The following RXFP4 variants were observed in gnomAD, a reference collection of about 807,000 sequenced individuals.
The protein encoded by RXFP4 is relaxin-3 receptor 2.
For missense variants in RXFP4, 425 were observed against 491.3 expected, an observed-to-expected ratio of 0.87 and a Z score of 1.28; for synonymous variants, 182 against 218.0, an observed-to-expected ratio of 0.83 and a Z score of 1.45.
Position 155,942,009 on chromosome 1 carries a change from G to C in RXFP4, c.300G>C (p.Glu100Asp), listed in dbSNP as rs767845245. The C allele has an allele frequency of 6.2e-7, 1 of 1,612,984 alleles. No individual in the cohort carries two copies. Among genetic ancestry groups the C allele is most frequent in the African/African-American group, 1.3e-5 (1 of 74,936 alleles). The change falls in exon 1 of 1, where the codon GAG becomes GAC. Residue 100 changes from glutamate to aspartate, a missense_variant. Physicochemically the swap from Glu to Asp is conservative, Grantham distance 45. Transcript: ENST00000368318. The surrounding 1 kb of genome is among the most constrained non-coding windows in gnomAD (Gnocchi z 5.2). The stretch of plus-strand genomic sequence containing the variant: ...TCACTCTCCCCTTTTGGGCAGCCGA[G>C]TCGGCACTGGACTTTCACTGGCCCT... ...LALTLPFWAA[E>D]SALDFHWPFG...
chr1:155,942,289 C>T lies in RXFP4; in HGVS notation c.580C>T (p.Arg194Cys), dbSNP rs146694614. ...GTGTGGTGTGCGCCTTTGCCTGCTG[C>T]GTTTCCCCAGCAGGTACTGGCTGGG... ...EVCGVRLCLL[R>C]FPSRYWLGAY... The change falls in exon 1 of 1, where the codon CGT becomes TGT. Residue 194 changes from arginine (R) to cysteine (C), a missense_variant. Transcript: ENST00000368318. This position sits in a 1 kb window ranked among gnomAD's most constrained non-coding sequence, Gnocchi z 5.2. The T allele has an allele frequency of 2.6e-5, 42 of 1,600,532 alleles. No homozygotes were observed. The African/African-American group carries it at 2.8e-4, about 11-fold the overall frequency.
Position 155,942,114 on chromosome 1 carries a change from G to C in RXFP4, c.405G>C (p.Leu135=). The change falls in exon 1 of 1, where the codon CTG becomes CTC. Residue 135 remains leucine (L), a synonymous_variant. Coordinates refer to ENST00000368318, the MANE Select transcript of RXFP4 (RefSeq NM_181885.3). The surrounding 1 kb of genome is among the most constrained non-coding windows in gnomAD (Gnocchi z 5.2). ...CCAGCATCTTCCTCATCACAGCGCT[G>C]AGCGTTGCTCGCTACTGGGTGGTGG... ...VYASIFLITA[L]SVARYWVVAM... The C allele has an allele frequency of 6.2e-7, 1 of 1,613,088 alleles. No homozygotes were observed. Among genetic ancestry groups the C allele is most frequent in the Non-Finnish European group, 8.5e-7 (1 of 1,179,926 alleles).
At position 155,941,981 on chromosome 1, in the gene RXFP4, C is replaced by G. The variant is rs1383737299; in HGVS notation, c.272C>G (p.Ala91Gly). 1.9e-6 allele frequency: 3 copies of G among 1,613,902 alleles called. No homozygotes were observed. In the African/African-American group the frequency reaches 4.0e-5, roughly 22 times the overall value. The change falls in exon 1 of 1, where the codon GCA (alanine) becomes GGA (glycine). Residue 91 changes from alanine (A) to glycine (G), a missense_variant. Transcript: ENST00000368318. ...FNLALADLGL[A>G]LTLPFWAAES... ...CTGGCTCTGGCGGACCTGGGACTGG[C>G]ACTCACTCTCCCCTTTTGGGCAGCC...
chr1:155,941,748 CTTCT>C lies in RXFP4; in HGVS notation c.40_43del (p.Phe14GlyfsTer10). 6.2e-7 allele frequency: 1 copy of C among 1,614,252 alleles called. No individual in the cohort carries two copies. The highest frequency in any genetic ancestry group is 8.5e-7 in the Non-Finnish European group (1 of 1,180,036). Reference sequence around the variant, plus strand: ...ATACTTCTGCCTCTCCACCCACATTCTTCTGGGCCAATGCCTCCGGAGGCAGTGT... The same window carrying C: ...ATACTTCTGCCTCTCCACCCACATTCGGGCCAATGCCTCCGGAGGCAGTGT... On this transcript the variant is annotated frameshift_variant, in exon 1 of 1. Transcript: ENST00000368318. LOFTEE classifies it low-confidence loss of function (END_TRUNC).
rs772761389 is a variant in RXFP4 at position 155,942,502 on chromosome 1, G to T, written c.793G>T (p.Val265Phe). ...FFLCWFPNHV[V>F]TLWGVLVKFD... The stretch of plus-strand genomic sequence containing the variant: ...CCTCTGCTGGTTTCCCAACCATGTG[G>T]TCACTCTCTGGGGTGTCCTGGTGAA... The change falls in exon 1 of 1, where the codon GTC (valine) becomes TTC (phenylalanine). Residue 265 changes from valine (V) to phenylalanine (F), a missense_variant. By Grantham distance (50) the Val-to-Phe change is conservative. Coordinates refer to ENST00000368318, the MANE Select transcript of RXFP4 (RefSeq NM_181885.3). This position sits in a 1 kb window ranked among gnomAD's most constrained non-coding sequence, Gnocchi z 5.2. The T allele has an allele frequency of 1.2e-6, 2 of 1,612,610 alleles. No individual in the cohort carries two copies. The highest frequency in any genetic ancestry group is 3.3e-5 in the Admixed American group (2 of 59,914).
In RXFP4 at chr1:155,941,673, CTCTCT is replaced by C. The variant is rs1326894948; in HGVS notation, c.-32_-28del. On this transcript the variant is annotated 5_prime_UTR_variant, in exon 1 of 1. Coordinates refer to ENST00000368318, the MANE Select transcript of RXFP4 (RefSeq NM_181885.3). ...GCCAGTCTGGCAGACACTTGCAGAC[CTCTCT>C]TCTCAGCACCACCAATCTCTGATGC... The C allele has an allele frequency of 6.3e-7, 1 of 1,597,372 alleles. No homozygotes were observed. The highest frequency in any genetic ancestry group is 8.6e-7 in the Non-Finnish European group (1 of 1,169,414).
rs763497798 is a variant in RXFP4 at position 155,941,652 on chromosome 1, G to A, written c.-58G>A. 12 of 1,561,782 alleles carry A rather than the reference G, an allele frequency of 7.7e-6. No homozygotes were observed. The highest frequency in any genetic ancestry group is 1.2e-5 in the South Asian group (1 of 84,642). ...CTAGAGCCTTCAGTGGCCTCTGCCA[G>A]TCTGGCAGACACTTGCAGACCTCTC... On this transcript the variant is annotated 5_prime_UTR_variant, in exon 1 of 1. Transcript: ENST00000368318.
Position 155,942,203 on chromosome 1 carries a change from T to G in RXFP4, c.494T>G (p.Val165Gly). 1 of 1,613,978 alleles carries G rather than the reference T, an allele frequency of 6.2e-7. No homozygotes were observed. Among genetic ancestry groups the G allele is most frequent in the Non-Finnish European group, 8.5e-7 (1 of 1,180,030 alleles). ...TGGGCCCGAATAGCCACCCTGGCAG[T>G]GTGGGCGGCGGCTGCCCTGGTGACG... ...LFWARIATLAVWAAAALVTVP... is the reference protein window; with the variant it reads ...LFWARIATLAGWAAAALVTVP... The change falls in exon 1 of 1, where the codon GTG becomes GGG. Residue 165 changes from valine (V) to glycine (G), a missense_variant. By Grantham distance (109) the Val-to-Gly change is moderately radical. Transcript: ENST00000368318. This position sits in a 1 kb window ranked among gnomAD's most constrained non-coding sequence, Gnocchi z 5.2.
Position 155,942,222 on chromosome 1 carries a change from GGTGACGGTGCCCACAGCT to G in RXFP4, c.516_533del (p.Thr173_Val178del). On this transcript the variant is annotated inframe_deletion, in exon 1 of 1. Coordinates refer to ENST00000368318, the MANE Select transcript of RXFP4 (RefSeq NM_181885.3). This position sits in a 1 kb window ranked among gnomAD's most constrained non-coding sequence, Gnocchi z 5.2. ...TGGCAGTGTGGGCGGCGGCTGCCCTGGTGACGGTGCCCACAGCTGTCTTCGGGGTGGAGGGTGAGGTGT... is the reference window on the plus strand; with the variant it reads ...TGGCAGTGTGGGCGGCGGCTGCCCTGGTCTTCGGGGTGGAGGGTGAGGTGT... The G allele has an allele frequency of 6.2e-7, 1 of 1,613,932 alleles. No homozygotes were observed. Among genetic ancestry groups the G allele is most frequent in the Non-Finnish European group, 8.5e-7 (1 of 1,180,014 alleles).
Position 155,942,951 on chromosome 1 carries a change from C to A in RXFP4, c.*117C>A. ...CAGTGCCCTCAGGGAAAAGTCTGAT[C>A]TTTGATCCCCAACTCTGGGTGTGGT... is the stretch of plus-strand genomic sequence containing the variant. On this transcript the variant is annotated 3_prime_UTR_variant, in exon 1 of 1. Coordinates refer to ENST00000368318, the MANE Select transcript of RXFP4 (RefSeq NM_181885.3). The surrounding 1 kb of genome is among the most constrained non-coding windows in gnomAD (Gnocchi z 5.2). 8 of 1,008,316 alleles carry A rather than the reference C, an allele frequency of 7.9e-6. No homozygotes were observed. The highest frequency in any genetic ancestry group is 3.2e-5 in the Admixed American group (1 of 31,268). The allele number at this position is 1,008,316 out of a possible 1,614,324, so 62.5% of individuals were successfully genotyped here.
Position 155,941,699 on chromosome 1 carries a change from G to A in RXFP4, c.-11G>A, listed in dbSNP as rs1358262386. The A allele has an allele frequency of 6.2e-7, 1 of 1,611,948 alleles. No individual in the cohort carries two copies. The highest frequency in any genetic ancestry group is 8.5e-7 in the Non-Finnish European group (1 of 1,178,488). On this transcript the variant is annotated 5_prime_UTR_variant, in exon 1 of 1. Transcript: ENST00000368318. ...TCTCTTCTCAGCACCACCAATCTCTGATGCCCTGCGATGCCCACACTCAAT... is the reference window on the plus strand; with the variant it reads ...TCTCTTCTCAGCACCACCAATCTCTAATGCCCTGCGATGCCCACACTCAAT...
rs1187026185 is a variant in RXFP4 at position 155,941,782 on chromosome 1, A to C, written c.73A>C (p.Ser25Arg). 6.2e-7 allele frequency: 1 copy of C among 1,614,006 alleles called. No individual in the cohort carries two copies. Among genetic ancestry groups the C allele is most frequent in the African/African-American group, 1.3e-5 (1 of 74,908 alleles). ...WANASGGSVLSADDAPMPVKF... is the reference protein window; with the variant it reads ...WANASGGSVLRADDAPMPVKF... ...CAATGCCTCCGGAGGCAGTGTGCTG[A>C]GTGCTGATGATGCTCCGATGCCTGT... The change falls in exon 1 of 1, where the codon AGT becomes CGT. Residue 25 changes from serine to arginine, a missense_variant. Transcript: ENST00000368318.
chr1:155,942,627 T>C lies in RXFP4; in HGVS notation c.918T>C (p.Pro306=). Reference sequence around the variant, plus strand: ...CACACAGCAATAGCTGCCTCAACCCTGTGCTGTACTGTCTCCTGAGGCGGG... The same window carrying C: ...CACACAGCAATAGCTGCCTCAACCCCGTGCTGTACTGTCTCCTGAGGCGGG... ...CLAHSNSCLN[P]VLYCLLRREP... The change falls in exon 1 of 1, where the codon CCT becomes CCC. Residue 306 remains proline (P), a synonymous_variant. Transcript: ENST00000368318. The surrounding 1 kb of genome is among the most constrained non-coding windows in gnomAD (Gnocchi z 5.2). The C allele has an allele frequency of 6.2e-7, 1 of 1,614,144 alleles. No individual in the cohort carries two copies. The highest frequency in any genetic ancestry group is 8.5e-7 in the Non-Finnish European group (1 of 1,180,004).
chr1:155,942,499 G>A lies in RXFP4; in HGVS notation c.790G>A (p.Val264Met). 1 of 1,612,536 alleles carries A rather than the reference G, an allele frequency of 6.2e-7. No individual in the cohort carries two copies. Among genetic ancestry groups the A allele is most frequent in the Non-Finnish European group, 8.5e-7 (1 of 1,178,934 alleles). ...CTTCCTCTGCTGGTTTCCCAACCAT[G>A]TGGTCACTCTCTGGGGTGTCCTGGT... ...SFFLCWFPNH[V>M]VTLWGVLVKF... The change falls in exon 1 of 1, where the codon GTG becomes ATG. Residue 264 changes from valine to methionine, a missense_variant. Transcript: ENST00000368318. The surrounding 1 kb of genome is among the most constrained non-coding windows in gnomAD (Gnocchi z 5.2).
chr1:155,942,078 C>T lies in RXFP4; in HGVS notation c.369C>T (p.Leu123=). The T allele has an allele frequency of 6.2e-7, 1 of 1,611,552 alleles. No individual in the cohort carries two copies. Among genetic ancestry groups the T allele is most frequent in the South Asian group, 1.1e-5 (1 of 91,082 alleles). Reference sequence around the variant, plus strand: ...AGATGGTTCTGACGGCCACTGTCCTCAACGTCTATGCCAGCATCTTCCTCA... The same window carrying T: ...AGATGGTTCTGACGGCCACTGTCCTTAACGTCTATGCCAGCATCTTCCTCA... ...LCKMVLTATV[L]NVYASIFLIT... The change falls in exon 1 of 1, where the codon CTC becomes CTT. Residue 123 remains leucine, a synonymous_variant. Coordinates refer to ENST00000368318, the MANE Select transcript of RXFP4 (RefSeq NM_181885.3). The surrounding 1 kb of genome is among the most constrained non-coding windows in gnomAD (Gnocchi z 5.2).
Position 155,942,363 on chromosome 1 carries a change from C to A in RXFP4, c.654C>A (p.Gly218=). ...TGCTGGCTTTCATGGTGCCCTTGGG[C>A]GTCATCACCACCAGCTACCTGCTGC... The part of the protein sequence containing the change: ...RVVLAFMVPL[G]VITTSYLLLL... Residue 218 remains glycine, a synonymous_variant, in exon 1 of 1, where the codon GGC becomes GGA. Transcript: ENST00000368318. The surrounding 1 kb of genome is among the most constrained non-coding windows in gnomAD (Gnocchi z 5.2). 6.4e-7 allele frequency: 1 copy of A among 1,554,598 alleles called. No individual in the cohort carries two copies. Among genetic ancestry groups the A allele is most frequent in the Non-Finnish European group, 8.7e-7 (1 of 1,147,898 alleles).
In RXFP4 at chr1:155,942,496, C is replaced by G. The variant is rs200889754; in HGVS notation, c.787C>G (p.His263Asp). ...ASFFLCWFPN[H>D]VVTLWGVLVK... The stretch of plus-strand genomic sequence containing the variant: ...CTTCTTCCTCTGCTGGTTTCCCAAC[C>G]ATGTGGTCACTCTCTGGGGTGTCCT... The change falls in exon 1 of 1, where the codon CAT becomes GAT. Residue 263 changes from histidine (H) to aspartate (D), a missense_variant. Transcript: ENST00000368318. The surrounding 1 kb of genome is among the most constrained non-coding windows in gnomAD (Gnocchi z 5.2). 1.1e-5 allele frequency: 18 copies of G among 1,611,930 alleles called. No individual in the cohort carries two copies. In the African/African-American group the frequency reaches 2.3e-4, roughly 20 times the overall value.
In RXFP4 at chr1:155,941,938, G is replaced by C. The variant is rs755427096; in HGVS notation, c.229G>C (p.Asp77His). Residue 77 changes from aspartate (D) to histidine (H), a missense_variant, in exon 1 of 1, where the codon GAC becomes CAC. Transcript: ENST00000368318. ...CARRAPGPPS[D>H]TFVFNLALAD... is the part of the protein sequence containing the mutation. ...CCGGAGAGCCCCTGGCCCACCTTCAGACACCTTCGTCTTCAACCTGGCTCT... is the reference window on the plus strand; with the variant it reads ...CCGGAGAGCCCCTGGCCCACCTTCACACACCTTCGTCTTCAACCTGGCTCT... 6.2e-7 allele frequency: 1 copy of C among 1,614,208 alleles called. No homozygotes were observed. The highest frequency in any genetic ancestry group is 1.1e-5 in the South Asian group (1 of 91,086).
Position 155,942,024 on chromosome 1 carries a change from T to C in RXFP4, c.315T>C (p.Phe105=). ...PFWAAESALD[F]HWPFGGALCK... is the part of the protein sequence containing the mutation. ...GGGCAGCCGAGTCGGCACTGGACTT[T>C]CACTGGCCCTTCGGAGGTGCCCTCT... Residue 105 remains phenylalanine, a synonymous_variant, in exon 1 of 1, where the codon TTT becomes TTC. Coordinates refer to ENST00000368318, the MANE Select transcript of RXFP4 (RefSeq NM_181885.3). This position sits in a 1 kb window ranked among gnomAD's most constrained non-coding sequence, Gnocchi z 5.2. 6.2e-7 allele frequency: 1 copy of C among 1,612,540 alleles called. No individual in the cohort carries two copies. Among genetic ancestry groups the C allele is most frequent in the Middle Eastern group, 1.7e-4 (1 of 6,060 alleles).
Sources: gnomAD v4.1 joint callset for allele counts on GRCh38, gnomAD v4.1.1 for gene constraint, Gnocchi (gnomAD v3.1) non-coding constraint, MANE v1.5 for transcripts, NCBI Gene and HGNC (gene_info 2026-07-23, HGNC 2026-07-21) for gene names.